Variants in KCTD16 observed in about 807,000 individuals in gnomAD.
The protein encoded by KCTD16 is potassium channel tetramerization domain containing 16, also known as BTB/POZ domain-containing protein KCTD16.
KCTD16 carries 13 observed loss-of-function variants against 33.2 expected under a neutral mutation model. The ratio of observed to expected loss-of-function variants is 0.39; its 90% confidence interval spans 0.25 to 0.62. The LOEUF is 0.62. Among genes scored for constraint, KCTD16 ranks in the 20% least tolerant of loss-of-function variants. KCTD16 has a pLI of 0.50. For synonymous variants in KCTD16, 197 were observed against 195.3 expected (o/e 1.01, Z -0.07); for missense variants, 441 against 525.1 (o/e 0.84, Z 1.57).
rs1182437347 is a variant in KCTD16, at chr5:144,272,872, AAC to A, written c.832+65327_832+65328del. On this transcript the variant is annotated intron_variant, in intron 3 of 3. Transcript: ENST00000512467. Reference sequence around the variant, plus strand: ...CTAAATGTAAGACCCAAAAGTATAAAACTATTAAAAGAATACACAGGGCAAAA... The same window carrying A: ...CTAAATGTAAGACCCAAAAGTATAAATATTAAAAGAATACACAGGGCAAAA... Among the ~76,000 whole-genome samples, 3 of 152,194 alleles carry A rather than the reference AAC, an allele frequency of 2.0e-5. 1 individual carries two copies. Among genetic ancestry groups the A allele is most frequent in the South Asian group, 4.1e-4 (2 of 4,832 alleles).
chr5:144,373,198 G>T (rs1037486048), intron 3 of KCTD16, among the ~76,000 whole-genome samples: 2 of 152,098 alleles, frequency 1.3e-5, no homozygotes, highest in African/African-American at 2.4e-5. Flanking sequence ...GAGGATGGAG[G>T]CTCATATGTT....
At chr5:144,217,744 C>T (rs999433830) in intron 3 of KCTD16, among the ~76,000 whole-genome samples, 2 of 152,048 alleles carry the variant, frequency 1.3e-5, no homozygotes, top group African/African-American at 2.4e-5. Context: ...TAGTACTTCT[C>T]CACAATCTGC....
At chr5:144,445,963 A>G (rs1296953247) in intron 3 of KCTD16, among the ~76,000 whole-genome samples, 3 of 151,902 alleles carry the variant, frequency 2.0e-5, no homozygotes, top group Non-Finnish European at 4.4e-5. Flanking sequence ...TTTCCAGTAC[A>G]TATCTGCTGG....
intron 3 of KCTD16, among the ~76,000 whole-genome samples, chr5:144,332,310 G>A (rs146954661): frequency 1.3e-3 from 192 of 152,200 alleles, no homozygotes; most frequent in African/African-American, 4.4e-3. Flanking sequence ...TATGACTCAG[G>A]CAAGGCGCAG....
chr5:144,257,839 T>C (rs1395558837), intron 3 of KCTD16, among the ~76,000 whole-genome samples: 1 of 152,134 alleles, frequency 6.6e-6, no homozygotes, highest in Non-Finnish European at 1.5e-5. Context: ...TAATGAGTAG[T>C]GCAGTGTTTG....
At chr5:144,220,031 T>C (rs1490819861) in intron 3 of KCTD16, among the ~76,000 whole-genome samples, 1 of 152,218 alleles carries the variant, frequency 6.6e-6, no homozygotes, top group Non-Finnish European at 1.5e-5. Context: ...TTAGTTCCTC[T>C]GGTCTGCTCA....
intron 3 of KCTD16, among the ~76,000 whole-genome samples, chr5:144,389,252 A>G (rs1249290849): frequency 6.6e-6 from 1 of 152,178 alleles, no homozygotes; most frequent in Admixed American, 6.5e-5. Context: ...TTTGTGGCCT[A>G]TTAGGAACTG....
intron 3 of KCTD16, among the ~76,000 whole-genome samples, chr5:144,257,571 C>G (rs1286908052): frequency 6.6e-6 from 1 of 152,062 alleles, no homozygotes; most frequent in African/African-American, 2.4e-5. Flanking sequence ...TCCCTGCAAG[C>G]TCCGCCTCCT....
chr5:144,314,304 G>A (rs1275405757), intron 3 of KCTD16, among the ~76,000 whole-genome samples: 1 of 152,048 alleles, frequency 6.6e-6, no homozygotes, highest in Non-Finnish European at 1.5e-5. Flanking sequence ...TTGGAACATT[G>A]GGGAATGCTC....
intron 3 of KCTD16, chr5:144,382,980 C>G (rs553361524): frequency 1.3e-5 from 2 of 152,296 alleles, no homozygotes; most frequent in African/African-American, 4.8e-5. Flanking sequence ...TGGTAGGGAG[C>G]TTCACGTTGG....
chr5:144,219,964 A>G (rs1753690808), intron 3 of KCTD16, among the ~76,000 whole-genome samples: 1 of 152,190 alleles, frequency 6.6e-6, no homozygotes. Context: ...CTGCACTGTT[A>G]CTACACATAC....
chr5:144,354,136 G>A (rs1198005656), intron 3 of KCTD16, among the ~76,000 whole-genome samples: 1 of 152,012 alleles, frequency 6.6e-6, no homozygotes, highest in East Asian at 1.9e-4. Flanking sequence ...ATAAAAATAT[G>A]TACCATAAAC....
chr5:144,199,827 CT>C (rs1753008943), intron 2 of KCTD16, among the ~76,000 whole-genome samples: 1 of 150,406 alleles, frequency 6.6e-6, no homozygotes, highest in Admixed American at 6.6e-5. Flanking sequence ...AGCGATTCCC[CT>C]GATTCAGCCT....
intron 3 of KCTD16, among the ~76,000 whole-genome samples, chr5:144,223,463 T>C (rs1297763370): frequency 6.6e-6 from 1 of 152,184 alleles, no homozygotes; most frequent in Admixed American, 6.5e-5. Flanking sequence ...GCATCAGCCC[T>C]ATATTTTTAT....
chr5:144,415,614 A>G (rs1753031361), intron 3 of KCTD16, among the ~76,000 whole-genome samples: 1 of 152,218 alleles, frequency 6.6e-6, no homozygotes, highest in East Asian at 1.9e-4. Context: ...TGTACAAAAA[A>G]TCCTGATCCA....
chr5:144,274,593 G>A lies in KCTD16; in HGVS notation c.832+67047G>A, dbSNP rs147071078. Among the ~76,000 whole-genome samples, 335 of 152,278 alleles carry A rather than the reference G, an allele frequency of 2.2e-3. 10 individuals are homozygous for A. The East Asian group carries it at 0.056, about 25-fold the overall frequency. The stretch of plus-strand genomic sequence containing the variant: ...GGTGAAACTATTAAGTGATGATGGT[G>A]AGCAGTAGCATTCATGTTGTAAGGA... On this transcript the variant is annotated intron_variant, in intron 3 of 3. Transcript: ENST00000512467.
intron 3 of KCTD16, among the ~76,000 whole-genome samples, chr5:144,417,979 A>G (rs541898566): frequency 2.6e-5 from 4 of 152,128 alleles, no homozygotes; most frequent in Non-Finnish European, 5.9e-5. Context: ...TCTGATGTTC[A>G]GAAGTGTCCA....
chr5:144,313,775 C>G (rs556633598), intron 3 of KCTD16, among the ~76,000 whole-genome samples: 25 of 152,200 alleles, frequency 1.6e-4, no homozygotes, highest in African/African-American at 6.0e-4. Flanking sequence ...TCCAGAGCCC[C>G]TTAAATACTT....
chr5:144,351,247 C>A (rs1413087195), intron 3 of KCTD16, among the ~76,000 whole-genome samples: 1 of 152,056 alleles, frequency 6.6e-6, no homozygotes, highest in East Asian at 1.9e-4. Context: ...AAGGTGCTAA[C>A]AGATTTGAAC....
Sources: gnomAD v4.1 joint callset for allele counts (sites outside exome capture counted in the v4.1 genomes callset) on GRCh38, gnomAD v4.1.1 for gene constraint, MANE v1.5 for transcripts, NCBI Gene and HGNC (gene_info 2026-07-23, HGNC 2026-07-21) for gene names.